ABCB1: variants seen among roughly 807,000 people sequenced by gnomAD.
The protein encoded by ABCB1 is ATP binding cassette subfamily B member 1, also known as ATP-dependent translocase ABCB1.
A neutral mutation model predicts 142.0 loss-of-function variants in ABCB1; 69 were observed. The ratio of observed to expected loss-of-function variants is 0.49; its 90% confidence interval spans 0.40 to 0.59. The LOEUF (loss-of-function observed/expected upper bound fraction) is 0.59, where lower values mean the gene tolerates loss of function less well. Ranked by LOEUF, ABCB1 falls within the 20% of genes least tolerant of loss-of-function variation. The probability of loss-of-function intolerance (pLI) is 0.00; values close to 1 mark genes in which losing one functional copy is unlikely to be tolerated. For synonymous variants in ABCB1, 532 were observed against 539.2 expected (o/e 0.99, Z 0.18); for missense variants, 1,326 against 1,554.7 (o/e 0.85, Z 2.47).
At chr7:87,601,937 TA>T (rs1819470959), upstream of ABCB1, among the ~76,000 whole-genome samples, 1 of 152,250 alleles carries the variant, frequency 6.6e-6, no homozygotes, top group African/African-American at 2.4e-5. Context: ...AAATTTTCCT[TA>T]TCTTGATATA....
intron 1 of ABCB1, among the ~76,000 whole-genome samples, chr7:87,710,242 G>A (rs957944337): frequency 2.6e-5 from 4 of 152,096 alleles, no homozygotes; most frequent in Admixed American, 2.6e-4. Context: ...TTGATTTGCG[G>A]TATTGAAGTA....
intron 1 of ABCB1, among the ~76,000 whole-genome samples, chr7:87,635,519 T>C (rs1408752106): frequency 6.6e-6 from 1 of 152,214 alleles, no homozygotes. Context: ...GAAATCTTAG[T>C]GTCAAGTCTG....
intron 1 of ABCB1, among the ~76,000 whole-genome samples, chr7:87,671,656 G>A (rs1030100868): frequency 2.0e-5 from 3 of 152,222 alleles, no homozygotes; most frequent in Middle Eastern, 3.4e-3. Flanking sequence ...TGTAAGAGGT[G>A]GGTAGAGACC....
At chr7:87,617,874 A>G (rs1820080527) in intron 1 of ABCB1, among the ~76,000 whole-genome samples, 1 of 151,932 alleles carries the variant, frequency 6.6e-6, no homozygotes, top group African/African-American at 2.4e-5. Flanking sequence ...AACAAATCCT[A>G]TCTTCCTCTC....
chr7:87,541,981 C>G (rs1400206072), intron 17 of ABCB1, among the ~76,000 whole-genome samples: 1 of 152,172 alleles, frequency 6.6e-6, no homozygotes, highest in Non-Finnish European at 1.5e-5. Context: ...GAAACTACAG[C>G]TACCTGACCT....
chr7:87,596,111 C>A (rs767051992), intron 2 of ABCB1, among the ~76,000 whole-genome samples: 1 of 152,008 alleles, frequency 6.6e-6, no homozygotes, highest in Non-Finnish European at 1.5e-5. Context: ...CATACATACA[C>A]CCTTTGCAAT....
chr7:87,578,744 A>G (rs1584896665), intron 4 of ABCB1, among the ~76,000 whole-genome samples: 1 of 133,860 alleles, frequency 7.5e-6, no homozygotes, highest in African/African-American at 2.9e-5. Flanking sequence ...CCCAGGCTGG[A>G]GTGCAGTGGC....
At chr7:87,517,011 A>G (rs1563030306) in intron 23 of ABCB1, among the ~76,000 whole-genome samples, 1 of 152,190 alleles carries the variant, frequency 6.6e-6, no homozygotes, top group Non-Finnish European at 1.5e-5. Flanking sequence ...TGCCGGGATT[A>G]TAGGTGTGAG....
intron 1 of ABCB1, among the ~76,000 whole-genome samples, chr7:87,669,974 T>C (rs1825667691): frequency 6.6e-6 from 1 of 152,164 alleles, no homozygotes; most frequent in Non-Finnish European, 1.5e-5. Flanking sequence ...GTATAGAATC[T>C]TGCAGGAGTT....
intron 25 of ABCB1, among the ~76,000 whole-genome samples, chr7:87,511,785 C>T (rs1019660729): frequency 6.6e-6 from 1 of 152,198 alleles, no homozygotes; most frequent in Admixed American, 6.5e-5. Flanking sequence ...AAGGGGAATG[C>T]CCCCATCTTG....
At position 87,545,064 on chromosome 7, in the gene ABCB1, C is replaced by G. The variant is rs567353472; in HGVS notation, c.1888-65G>C. ...TGTGTTAACCAATGAAAGCTAATCA[C>G]TGAATGTCAGCTATCAAGGAAAACA... On this transcript the variant is annotated intron_variant, in intron 15 of 27. Coordinates refer to ENST00000622132, the MANE Select transcript of ABCB1 (RefSeq NM_001348946.2). The G allele has an allele frequency of 1.9e-4, 278 of 1,462,216 alleles. 2 individuals are homozygous for G. In the South Asian group the frequency reaches 3.0e-3, roughly 16 times the overall value. 90.6% of individuals were successfully genotyped at this position (1,462,216 alleles called of 1,614,324 possible).
chr7:87,522,096 GA>G, intron 21 of ABCB1: 4 of 1,255,002 alleles, frequency 3.2e-6, no homozygotes, highest in Non-Finnish European at 4.6e-6. Context: ...GTTTCGGTGG[GA>G]ATGACAACTT....
Position 87,553,752 on chromosome 7 carries a change from A to T in ABCB1, c.999+9T>A. ...AATAATGGTTCATTTCTCAATGTAA[A>T]CCACTTACAGTGAGTACTTGTCCAA... On this transcript the variant is annotated intron_variant, in intron 9 of 27. Transcript: ENST00000622132. 6.2e-7 allele frequency: 1 copy of T among 1,612,484 alleles called. No homozygotes were observed. The highest frequency in any genetic ancestry group is 8.5e-7 in the Non-Finnish European group (1 of 1,178,510).
intron 7 of ABCB1, among the ~76,000 whole-genome samples, chr7:87,563,125 C>T (rs1361454255): frequency 6.6e-6 from 1 of 152,080 alleles, no homozygotes; most frequent in Non-Finnish European, 1.5e-5. Flanking sequence ...GAAATAAAAT[C>T]CCTGAACAGA....
chr7:87,609,587 A>T (rs1312495960), intron 1 of ABCB1, among the ~76,000 whole-genome samples: 1 of 152,202 alleles, frequency 6.6e-6, no homozygotes, highest in Non-Finnish European at 1.5e-5. Flanking sequence ...ATTGGCTAGC[A>T]TGGGAATCCA....
chr7:87,703,251 G>A (rs1467617736), intron 1 of ABCB1, among the ~76,000 whole-genome samples: 1 of 151,582 alleles, frequency 6.6e-6, no homozygotes, highest in Non-Finnish European at 1.5e-5. Context: ...TTTTATTTAG[G>A]ATTTTTTTTT....
chr7:87,598,637 C>T (rs1819310626), intron 2 of ABCB1, among the ~76,000 whole-genome samples: 1 of 152,156 alleles, frequency 6.6e-6, no homozygotes, highest in Non-Finnish European at 1.5e-5. Flanking sequence ...AAGATCATTG[C>T]TTTATTTTCT....
At chr7:87,515,463 T>G in intron 24 of ABCB1, 35 bp from the exon 25 acceptor site, 1 of 1,593,272 alleles carries the variant, frequency 6.3e-7, no homozygotes, top group Non-Finnish European at 8.6e-7. Flanking sequence ...ATTTGAATGC[T>G]GCAATACTGA....
At chr7:87,591,421 G>C (rs1479941777) in intron 3 of ABCB1, among the ~76,000 whole-genome samples, 1 of 152,114 alleles carries the variant, frequency 6.6e-6, no homozygotes, top group African/African-American at 2.4e-5. Flanking sequence ...AAAGAGGCAG[G>C]GCAGAGCTGG....
Sources: allele counts gnomAD v4.1 joint callset (sites outside exome capture counted in the v4.1 genomes callset), GRCh38; gene constraint gnomAD v4.1.1; transcripts MANE v1.5; gene names NCBI Gene and HGNC (gene_info 2026-07-23, HGNC 2026-07-21).